The following MAGI3 variants were observed in gnomAD, a reference collection of about 807,000 sequenced individuals.
MAGI3 encodes membrane associated guanylate kinase, WW and PDZ domain containing 3, also known as membrane-associated guanylate kinase, WW and PDZ domain-containing protein 3.
In MAGI3, 43 loss-of-function variants were observed where a neutral mutation model predicts 121.8. That is an observed-to-expected ratio of 0.35 (90% CI 0.28 to 0.46). The LOEUF (loss-of-function observed/expected upper bound fraction) is 0.46. MAGI3 is among the 20% of genes least tolerant of loss of function. The pLI, the probability that MAGI3 is intolerant of heterozygous loss-of-function variation, is 1.00. For missense variants in MAGI3, 1,547 were observed against 1,797.3 expected, an observed-to-expected ratio of 0.86 and a Z score of 2.52; for synonymous variants, 553 against 639.3, an observed-to-expected ratio of 0.86 and a Z score of 2.04.
At chr1:113,411,131 A>T (rs1279132790) in intron 1 of MAGI3, among the ~76,000 whole-genome samples, 1 of 152,150 alleles carries the variant, frequency 6.6e-6, no homozygotes, top group Non-Finnish European at 1.5e-5. Context: ...CAAACCTGGG[A>T]TAAGCTACCA....
chr1:113,564,151 G>A (rs145372827), intron 2 of MAGI3, among the ~76,000 whole-genome samples: 15 of 152,122 alleles, frequency 9.9e-5, no homozygotes, highest in African/African-American at 3.4e-4. Context: ...TACTAGTAGC[G>A]CTCCCAGGAG....
intron 1 of MAGI3, among the ~76,000 whole-genome samples, chr1:113,545,519 C>T (rs769355323): frequency 1.3e-5 from 2 of 152,150 alleles, no homozygotes; most frequent in Non-Finnish European, 2.9e-5. Context: ...CCCGCATGCC[C>T]AGCGTTTAGT....
intron 1 of MAGI3, among the ~76,000 whole-genome samples, chr1:113,454,323 C>T (rs1351221876): frequency 1.3e-5 from 2 of 152,074 alleles, no homozygotes; most frequent in Non-Finnish European, 2.9e-5. Flanking sequence ...CTACTTTTTA[C>T]CCATAAGAGG....
chr1:113,599,284 G>T (rs993894970), intron 6 of MAGI3, among the ~76,000 whole-genome samples: 3 of 151,944 alleles, frequency 2.0e-5, no homozygotes, highest in Non-Finnish European at 4.4e-5. Context: ...TCCAGGAGCT[G>T]GTTTTTTGAA....
At chr1:113,408,833 C>T (rs550468128) in intron 1 of MAGI3, among the ~76,000 whole-genome samples, 1 of 152,106 alleles carries the variant, frequency 6.6e-6, no homozygotes, top group South Asian at 2.1e-4. Flanking sequence ...AAAATCCAGT[C>T]CTAAATTTAT....
chr1:113,421,881 T>C (rs1652750600), intron 1 of MAGI3, among the ~76,000 whole-genome samples: 1 of 151,950 alleles, frequency 6.6e-6, no homozygotes, highest in Non-Finnish European at 1.5e-5. Flanking sequence ...TTTCAATCTA[T>C]ATGTGTTTGG....
Position 113,413,234 on chromosome 1 carries a change from T to C in MAGI3, c.316+21885T>C, listed in dbSNP as rs561253189. 1.7e-3 allele frequency among the ~76,000 whole-genome samples: 262 copies of C among 152,320 alleles called. 1 individual carries two copies. Among genetic ancestry groups the C allele is most frequent in the African/African-American group, 5.8e-3 (243 of 41,564 alleles). ...AGGCCTCTGTTCTGTTCCATTGGCCTATATATCTGTTTTGGTACAAGTACC... is the reference window on the plus strand; with the variant it reads ...AGGCCTCTGTTCTGTTCCATTGGCCCATATATCTGTTTTGGTACAAGTACC... On this transcript the variant is annotated intron_variant, in intron 1 of 20. Coordinates refer to ENST00000307546, the MANE Select transcript of MAGI3 (RefSeq NM_001142782.2).
intron 1 of MAGI3, among the ~76,000 whole-genome samples, chr1:113,482,212 G>A (rs1457282352): frequency 6.6e-6 from 1 of 152,032 alleles, no homozygotes; most frequent in Non-Finnish European, 1.5e-5. Context: ...CTTTACTGTT[G>A]ATGGTGATGG....
intron 1 of MAGI3, among the ~76,000 whole-genome samples, chr1:113,487,727 A>C (rs1361695258): frequency 3.3e-5 from 5 of 152,010 alleles, no homozygotes; most frequent in Admixed American, 2.6e-4. Flanking sequence ...CACCTCATTC[A>C]TAGATAATAC....
chr1:113,449,214 G>T (rs1285471052), intron 1 of MAGI3, among the ~76,000 whole-genome samples: 2 of 152,094 alleles, frequency 1.3e-5, no homozygotes, highest in African/African-American at 4.8e-5. Context: ...CCTAGTCTAA[G>T]CAAAATAGAT....
At chr1:113,565,311 A>G (rs906932505) in intron 2 of MAGI3, among the ~76,000 whole-genome samples, 1 of 152,196 alleles carries the variant, frequency 6.6e-6, no homozygotes, top group African/African-American at 2.4e-5. Context: ...CGGGCATTAC[A>G]AAGTATGTTG....
intron 1 of MAGI3, among the ~76,000 whole-genome samples, chr1:113,548,623 G>T (rs1292927052): frequency 2.0e-5 from 3 of 152,194 alleles, no homozygotes; most frequent in African/African-American, 7.2e-5. Context: ...GATCAGGGAT[G>T]GCTGGAGCCA....
intron 1 of MAGI3, among the ~76,000 whole-genome samples, chr1:113,504,977 A>G (rs1265065186): frequency 6.6e-6 from 1 of 152,170 alleles, no homozygotes; most frequent in Non-Finnish European, 1.5e-5. Flanking sequence ...TAGAACAGTG[A>G]CCAAAATCCT....
At chr1:113,544,008 G>T (rs1435532761) in intron 1 of MAGI3, among the ~76,000 whole-genome samples, 4 of 152,256 alleles carry the variant, frequency 2.6e-5, no homozygotes, top group Non-Finnish European at 5.9e-5. Flanking sequence ...GTTTAACAAT[G>T]TATATGGTAT....
intron 16 of MAGI3, among the ~76,000 whole-genome samples, chr1:113,664,339 A>G (rs1653927138): frequency 6.6e-6 from 1 of 152,210 alleles, no homozygotes; most frequent in Admixed American, 6.5e-5. Flanking sequence ...ATTTACCACA[A>G]ATAACCTGTC....
At chr1:113,602,019 C>A (rs1430154324) in intron 6 of MAGI3, among the ~76,000 whole-genome samples, 1 of 151,654 alleles carries the variant, frequency 6.6e-6, no homozygotes, top group Non-Finnish European at 1.5e-5. Context: ...TGGAACTGAA[C>A]AATGAGAACA....
At chr1:113,421,284 A>G (rs1294952285) in intron 1 of MAGI3, among the ~76,000 whole-genome samples, 2 of 152,216 alleles carry the variant, frequency 1.3e-5, no homozygotes, top group Non-Finnish European at 2.9e-5. Context: ...GATAAATCCA[A>G]TGTCAAGTTA....
chr1:113,449,169 T>C (rs141618927), intron 1 of MAGI3, among the ~76,000 whole-genome samples: 3 of 151,380 alleles, frequency 2.0e-5, no homozygotes, highest in East Asian at 3.9e-4. Context: ...TAATGTGATA[T>C]GCTGGATAGT....
At chr1:113,598,589 A>G in intron 6 of MAGI3, among the ~76,000 whole-genome samples, 1 of 152,316 alleles carries the variant, frequency 6.6e-6, no homozygotes, top group East Asian at 1.9e-4. Context: ...AAGACAAAGA[A>G]GGTCATTATA....
Sources: allele counts gnomAD v4.1 joint callset (sites outside exome capture counted in the v4.1 genomes callset), GRCh38; gene constraint gnomAD v4.1.1; transcripts MANE v1.5; gene names NCBI Gene and HGNC (gene_info 2026-07-23, HGNC 2026-07-21).